MCU: variants seen among roughly 807,000 people sequenced by gnomAD.
MCU encodes calcium uniporter protein, mitochondrial.
MCU carries 12 observed loss-of-function variants against 45.2 expected under a neutral mutation model. The observed-to-expected ratio is 0.27, with a 90% CI of 0.17 to 0.43. The LOEUF (loss-of-function observed/expected upper bound fraction) is 0.43. Among genes scored for constraint, MCU ranks in the 20% least tolerant of loss-of-function variants. The pLI is 1.00. For missense variants in MCU, 324 were observed against 436.7 expected, an observed-to-expected ratio of 0.74 and a Z score of 2.30; for synonymous variants, 160 against 165.1, an observed-to-expected ratio of 0.97 and a Z score of 0.24.
At chr10:72,697,553 C>A (rs558674121) in intron 1 of MCU, among the ~76,000 whole-genome samples, 1 of 151,442 alleles carries the variant, frequency 6.6e-6, no homozygotes, top group Non-Finnish European at 1.5e-5. Flanking sequence ...CCTGCCTCAG[C>A]CTCCCAAGTA....
At chr10:72,856,319 T>C (rs1357229480) in intron 2 of MCU, among the ~76,000 whole-genome samples, 1 of 152,190 alleles carries the variant, frequency 6.6e-6, no homozygotes. Context: ...ATGTAAAAAC[T>C]CATCAGATTT....
At chr10:72,783,999 A>G (rs1204267313) in intron 1 of MCU, among the ~76,000 whole-genome samples, 1 of 152,196 alleles carries the variant, frequency 6.6e-6, no homozygotes, top group Non-Finnish European at 1.5e-5. Flanking sequence ...ATACCCAGTT[A>G]CTTTACCTTT....
intron 1 of MCU, among the ~76,000 whole-genome samples, chr10:72,700,643 A>T (rs1025801358): frequency 6.6e-6 from 1 of 152,182 alleles, no homozygotes; most frequent in Non-Finnish European, 1.5e-5. Flanking sequence ...TAACTTCATA[A>T]ATTTTTTCAC....
chr10:72,873,912 A>G (rs1354478448), intron 6 of MCU, among the ~76,000 whole-genome samples: 3 of 152,084 alleles, frequency 2.0e-5, no homozygotes, highest in African/African-American at 7.2e-5. Context: ...TTGGCTATAA[A>G]TGCTTGGATT....
At position 72,805,593 on chromosome 10, in the gene MCU, G is replaced by A. The variant is rs185652650; in HGVS notation, c.151-28766G>A. On this transcript the variant is annotated intron_variant, in intron 1 of 7. Transcript: ENST00000373053. ...CAGAGAACTTCCATTTTGATAAGGT[G>A]TCAATGAGAACCCAATCCTTTGCTT... is the stretch of plus-strand genomic sequence containing the variant. Among the ~76,000 whole-genome samples, 297 of 152,152 alleles carry A rather than the reference G, an allele frequency of 2.0e-3. 1 individual carries two copies. Among genetic ancestry groups the A allele is most frequent in the Non-Finnish European group, 2.9e-3 (198 of 68,010 alleles).
rs1349595805 is a variant in MCU, at chr10:72,885,909, T to C, written c.*87T>C. On this transcript the variant is annotated 3_prime_UTR_variant, in exon 8 of 8. Coordinates refer to ENST00000373053, the MANE Select transcript of MCU (RefSeq NM_138357.3). ...TTGCAGGTGGAAGCTGGGAGCCATG[T>C]GGGGGGTAGAGCGTTTTTACCTTTA... 7.6e-6 allele frequency: 8 copies of C among 1,049,400 alleles called. No individual in the cohort carries two copies. The highest frequency in any genetic ancestry group is 7.6e-5 in the Admixed American group (4 of 52,556). The allele number at this position is 1,049,400 out of a possible 1,614,324, so 65.0% of individuals were successfully genotyped here. A position where few individuals can be genotyped will look rare whatever the true frequency, so the allele number is the denominator to read the frequency against.
At chr10:72,882,031 A>G (rs1458876655) in intron 6 of MCU, among the ~76,000 whole-genome samples, 1 of 152,224 alleles carries the variant, frequency 6.6e-6, no homozygotes, top group Admixed American at 6.5e-5. Flanking sequence ...TTTCATGGAC[A>G]TTTATTAGTT....
At chr10:72,767,845 T>C (rs562304186) in intron 1 of MCU, among the ~76,000 whole-genome samples, 8 of 152,308 alleles carry the variant, frequency 5.3e-5, no homozygotes, top group Non-Finnish European at 8.8e-5. Context: ...CACAGTCTTA[T>C]AGGAATGAAA....
intron 1 of MCU, among the ~76,000 whole-genome samples, chr10:72,752,157 TTC>T (rs1302329141): frequency 6.6e-6 from 1 of 152,118 alleles, no homozygotes; most frequent in Non-Finnish European, 1.5e-5. Flanking sequence ...ATATCTTTAA[TTC>T]ATTTGTCTAT....
At chr10:72,748,350 C>T (rs1589442843) in intron 1 of MCU, among the ~76,000 whole-genome samples, 2 of 152,298 alleles carry the variant, frequency 1.3e-5, no homozygotes, top group South Asian at 2.1e-4. Context: ...ACCGGCCAAC[C>T]GTCTTAATTA....
chr10:72,786,527 G>C (rs113203370), intron 1 of MCU, among the ~76,000 whole-genome samples: 1,651 of 152,008 alleles, frequency 0.011, 25 homozygotes, highest in South Asian at 0.029. Context: ...GGCAGATCAC[G>C]TGGAGGTCAG....
At chr10:72,699,920 A>G (rs959528917) in intron 1 of MCU, among the ~76,000 whole-genome samples, 1 of 151,246 alleles carries the variant, frequency 6.6e-6, no homozygotes, top group African/African-American at 2.4e-5. Flanking sequence ...GTAGCTCAGC[A>G]TCTTAATACA....
At chr10:72,768,992 C>T (rs1338983254) in intron 1 of MCU, among the ~76,000 whole-genome samples, 1 of 152,004 alleles carries the variant, frequency 6.6e-6, no homozygotes, top group African/African-American at 2.4e-5. Context: ...ACTAGGACTA[C>T]AGGCATGCAC....
intron 1 of MCU, among the ~76,000 whole-genome samples, chr10:72,782,709 G>T (rs569043609): frequency 6.6e-6 from 1 of 152,246 alleles, no homozygotes; most frequent in South Asian, 2.1e-4. Context: ...CCTCTTCTGT[G>T]GAACTCATTT....
At chr10:72,792,272 A>G (rs1020522009) in intron 1 of MCU, among the ~76,000 whole-genome samples, 4 of 152,196 alleles carry the variant, frequency 2.6e-5, no homozygotes, top group South Asian at 2.1e-4. Context: ...TCATATGTCA[A>G]TGCATGGAGG....
intron 4 of MCU, 70 bp downstream of exon 4, chr10:72,860,597 C>T: frequency 8.5e-7 from 1 of 1,170,856 alleles, no homozygotes; most frequent in Non-Finnish European, 1.3e-6. Flanking sequence ...TATTTTTTTT[C>T]CTTGGGTAAC....
At chr10:72,726,197 G>A (rs1277814776) in intron 1 of MCU, among the ~76,000 whole-genome samples, 1 of 151,346 alleles carries the variant, frequency 6.6e-6, no homozygotes, top group Non-Finnish European at 1.5e-5. Flanking sequence ...GTGGCACCTG[G>A]CTCCACCCTA....
At chr10:72,853,747 TGGCTTACACCTGTGAGCCC>T (rs1321533976) in intron 2 of MCU, among the ~76,000 whole-genome samples, 1 of 152,184 alleles carries the variant, frequency 6.6e-6, no homozygotes, top group Non-Finnish European at 1.5e-5. Context: ...CTGGGCATGG[TGGCTTACACCTGTGAGCCC>T]AGCATTTTGG....
At chr10:72,833,302 A>G (rs1057050546) in intron 1 of MCU, among the ~76,000 whole-genome samples, 1 of 152,228 alleles carries the variant, frequency 6.6e-6, no homozygotes, top group Admixed American at 6.5e-5. Context: ...CTAATGAATC[A>G]AAGATTTAAA....
Sources: gnomAD v4.1 joint callset for allele counts (sites outside exome capture counted in the v4.1 genomes callset) on GRCh38, gnomAD v4.1.1 for gene constraint, MANE v1.5 for transcripts, NCBI Gene and HGNC (gene_info 2026-07-23, HGNC 2026-07-21) for gene names.